Variants in RNF157 observed in about 807,000 individuals in gnomAD.
RNF157 encodes ring finger protein 157, also known as E3 ubiquitin ligase RNF157.
A neutral mutation model predicts 88.3 loss-of-function variants in RNF157; 55 were observed. The observed-to-expected ratio is 0.62, with a 90% CI of 0.50 to 0.78. The LOEUF (loss-of-function observed/expected upper bound fraction) is 0.78, where lower values mean the gene tolerates loss of function less well. Among genes scored for constraint, RNF157 ranks in the 30% least tolerant of loss-of-function variants. The probability of loss-of-function intolerance (pLI) is 0.00; values close to 1 mark genes in which losing one functional copy is unlikely to be tolerated. For synonymous variants in RNF157, 334 were observed against 341.2 expected, an observed-to-expected ratio of 0.98 and a Z score of 0.23; for missense variants, 788 against 860.8, an observed-to-expected ratio of 0.92 and a Z score of 1.06.
At chr17:76,177,193 T>C (rs542234044) in intron 2 of RNF157, among the ~76,000 whole-genome samples, 126 of 152,210 alleles carry the variant, frequency 8.3e-4, no homozygotes, top group African/African-American at 2.9e-3. Context: ...AAGGGGGTGC[T>C]GCAGGGGCTG....
intron 1 of RNF157, among the ~76,000 whole-genome samples, chr17:76,213,075 C>A (rs565199181): frequency 6.6e-6 from 1 of 152,244 alleles, no homozygotes; most frequent in South Asian, 2.1e-4. Flanking sequence ...ATACCTCCAG[C>A]CAAAAGACCA....
At chr17:76,200,749 T>C (rs972198741) in intron 2 of RNF157, among the ~76,000 whole-genome samples, 1 of 152,192 alleles carries the variant, frequency 6.6e-6, no homozygotes, top group Non-Finnish European at 1.5e-5. Context: ...CCTAAACCAT[T>C]TTAAAAGTAT....
intron 3 of RNF157, among the ~76,000 whole-genome samples, chr17:76,173,256 A>G (rs1266114939): frequency 6.6e-6 from 1 of 152,104 alleles, no homozygotes; most frequent in Non-Finnish European, 1.5e-5. Context: ...ACTGCACTCC[A>G]GCCTGGGTGA....
chr17:76,158,526 G>C, intron 12 of RNF157, 25 bp from the exon 13 acceptor site: 1 of 1,502,360 alleles, frequency 6.7e-7, no homozygotes, highest in Admixed American at 1.7e-5. Flanking sequence ...TGGAAAAGCA[G>C]CTATATCCAA....
At position 76,146,403 on chromosome 17, in the gene RNF157, G is replaced by A. The variant is rs528069308; in HGVS notation, c.1922-1050C>T. ...TCCAGGCCATCTCGCCTCTCCCCTG[G>A]GAGTCCTCTTCATCTCCTGCCCACA... On this transcript the variant is annotated intron_variant, in intron 18 of 18. Coordinates refer to ENST00000269391, the MANE Select transcript of RNF157 (RefSeq NM_052916.3). The surrounding 1 kb of genome is among the most constrained non-coding windows in gnomAD (Gnocchi z 4.2). 1 of 985,538 alleles carries A rather than the reference G, an allele frequency of 1.0e-6. No individual in the cohort carries two copies. The highest frequency in any genetic ancestry group is 1.7e-5 in the African/African-American group (1 of 57,340). 61.0% of individuals were successfully genotyped at this position (985,538 alleles called of 1,614,324 possible). A position where few individuals can be genotyped will look rare whatever the true frequency, so the allele number is the denominator to read the frequency against.
At chr17:76,213,412 A>C (rs2069835389) in intron 1 of RNF157, among the ~76,000 whole-genome samples, 1 of 151,936 alleles carries the variant, frequency 6.6e-6, no homozygotes, top group Non-Finnish European at 1.5e-5. Context: ...TCTACTAAAA[A>C]TACAAAAATT....
At chr17:76,156,479 C>A in intron 13 of RNF157, 158 bp from the exon 14 acceptor site, 1 of 1,436,250 alleles carries the variant, frequency 7.0e-7, no homozygotes. Context: ...TCTCTTCCGT[C>A]CTCACTTCAG....
chr17:76,192,191 A>G (rs941550035), intron 2 of RNF157, among the ~76,000 whole-genome samples: 2 of 152,226 alleles, frequency 1.3e-5, no homozygotes, highest in African/African-American at 2.4e-5. Flanking sequence ...TAGTTCCACT[A>G]CTGAATACCA....
intron 2 of RNF157, among the ~76,000 whole-genome samples, chr17:76,210,661 A>C (rs1447603874): frequency 1.3e-5 from 2 of 151,646 alleles, no homozygotes; most frequent in Non-Finnish European, 2.9e-5. Context: ...TTTTATGTTA[A>C]AGGTCAAGAT....
At position 76,149,849 on chromosome 17, in the gene RNF157, C is replaced by A. The variant is rs186097645; in HGVS notation, c.1921+2506G>T. ...AGGAGTTCAAGACCACCCTGACCAA[C>A]ATGGTAAAACTCCGTCTCTGCTAAA... On this transcript the variant is annotated intron_variant, in intron 18 of 18. Transcript: ENST00000269391. Among the ~76,000 whole-genome samples, 39 of 152,214 alleles carry A rather than the reference C, an allele frequency of 2.6e-4. No individual in the cohort carries two copies. In the East Asian group the frequency reaches 7.2e-3, roughly 28 times the overall value.
intron 2 of RNF157, among the ~76,000 whole-genome samples, chr17:76,205,095 T>C (rs2069657028): frequency 1.3e-5 from 2 of 150,854 alleles, no homozygotes; most frequent in Non-Finnish European, 1.5e-5. Flanking sequence ...TCTCCTTCCT[T>C]CCTCCCTCCC....
chr17:76,235,071 T>C (rs561309264), intron 1 of RNF157, among the ~76,000 whole-genome samples: 258 of 152,372 alleles, frequency 1.7e-3, no homozygotes, highest in Middle Eastern at 6.8e-3. Context: ...ATAGTAATTA[T>C]ATGCATAGTA....
chr17:76,169,762 G>A (rs1395230164), intron 3 of RNF157, among the ~76,000 whole-genome samples: 1 of 149,014 alleles, frequency 6.7e-6, no homozygotes, highest in Non-Finnish European at 1.5e-5. Flanking sequence ...TTGTATTTTT[G>A]TAGAGATGGG....
rs1409696151 is a variant in RNF157 at position 76,167,633 on chromosome 17, C to T, written c.443+18G>A. ...ATAATCTGGGAAGGAAGTGGCTCTC[C>T]TGGTCTCCTGATCTTACCTGGCAAT... On this transcript the variant is annotated intron_variant, in intron 4 of 18. Coordinates refer to ENST00000269391, the MANE Select transcript of RNF157 (RefSeq NM_052916.3). 6.2e-7 allele frequency: 1 copy of T among 1,613,658 alleles called. No homozygotes were observed. Among genetic ancestry groups the T allele is most frequent in the African/African-American group, 1.3e-5 (1 of 74,838 alleles).
intron 2 of RNF157, among the ~76,000 whole-genome samples, chr17:76,204,738 G>A (rs528326664): frequency 1.3e-5 from 2 of 151,892 alleles, no homozygotes; most frequent in South Asian, 4.2e-4. Context: ...AGAGAAAGAA[G>A]AAAAGTACAC....
chr17:76,210,321 C>G (rs141212004), intron 2 of RNF157, among the ~76,000 whole-genome samples: 1 of 152,012 alleles, frequency 6.6e-6, no homozygotes, highest in Non-Finnish European at 1.5e-5. Context: ...CCGCCGGGCG[C>G]AGTGGCTCAT....
rs115634459 is a variant in RNF157, at chr17:76,189,402, G to A, written c.208-15612C>T. Reference sequence around the variant, plus strand: ...AGCTCAGGATCTATGAGCAGAAGGCGTGGGTCTCAGCTCCTGTGCTGCTGG... The same window carrying A: ...AGCTCAGGATCTATGAGCAGAAGGCATGGGTCTCAGCTCCTGTGCTGCTGG... On this transcript the variant is annotated intron_variant, in intron 2 of 18. Coordinates refer to ENST00000269391, the MANE Select transcript of RNF157 (RefSeq NM_052916.3). 2.5e-3 allele frequency among the ~76,000 whole-genome samples: 374 copies of A among 152,300 alleles called. 4 individuals are homozygous for A. The highest frequency in any genetic ancestry group is 8.5e-3 in the African/African-American group (354 of 41,574).
At chr17:76,193,471 C>T (rs1019399211) in intron 2 of RNF157, among the ~76,000 whole-genome samples, 1 of 152,098 alleles carries the variant, frequency 6.6e-6, no homozygotes, top group Non-Finnish European at 1.5e-5. Flanking sequence ...TTGGTCGTGA[C>T]CCAGAAGAAT....
chr17:76,170,374 G>A (rs1448582081), intron 3 of RNF157, among the ~76,000 whole-genome samples: 3 of 152,114 alleles, frequency 2.0e-5, no homozygotes, highest in African/African-American at 4.8e-5. Flanking sequence ...GACTACAGGT[G>A]TGCACTACCA....
Sources: gnomAD v4.1 joint callset for allele counts (sites outside exome capture counted in the v4.1 genomes callset) on GRCh38, gnomAD v4.1.1 for gene constraint, Gnocchi (gnomAD v3.1) non-coding constraint, MANE v1.5 for transcripts, NCBI Gene and HGNC (gene_info 2026-07-23, HGNC 2026-07-21) for gene names.